The following OARD1 variants were observed in gnomAD, a reference collection of about 807,000 sequenced individuals.
The protein encoded by OARD1 is ADP-ribose glycohydrolase OARD1.
OARD1 carries 19 observed loss-of-function variants against 19.7 expected under a neutral mutation model. The ratio of observed to expected loss-of-function variants is 0.96; its 90% CI spans 0.67 to 1.41. The LOEUF is 1.41. Among genes scored for constraint, OARD1 ranks in the 40% most tolerant of loss-of-function variants. The pLI, the probability that OARD1 is intolerant of heterozygous loss-of-function variation, is 0.00. For synonymous variants in OARD1, 70 were observed against 61.8 expected, an observed-to-expected ratio of 1.13 and a Z score of -0.62; for missense variants, 190 against 183.8, an observed-to-expected ratio of 1.03 and a Z score of -0.20.
chr6:41,079,390 G>A (rs1041502106), intron 1 of OARD1, among the ~76,000 whole-genome samples: 3 of 152,140 alleles, frequency 2.0e-5, no homozygotes, highest in African/African-American at 7.2e-5. Flanking sequence ...CTCATTTTAA[G>A]TAAAAACATC....
chr6:41,083,110 A>G (rs1449154272), intron 1 of OARD1, among the ~76,000 whole-genome samples: 1 of 152,200 alleles, frequency 6.6e-6, no homozygotes, highest in African/African-American at 2.4e-5. Flanking sequence ...GAAAATGAAA[A>G]TTTTGGACTA....
intron 1 of OARD1, chr6:41,089,565 G>A (rs1390875487): frequency 1.3e-6 from 2 of 1,593,298 alleles, no homozygotes; most frequent in Non-Finnish European, 1.7e-6. Flanking sequence ...CTTTTTTTAT[G>A]TTCTTTTCTG....
At chr6:41,071,787 T>A in intron 1 of OARD1, 112 bp from the exon 2 acceptor site, 1 of 648,038 alleles carries the variant, frequency 1.5e-6, no homozygotes, top group Non-Finnish European at 2.8e-6. Flanking sequence ...TATCGATGAA[T>A]GTGAGTTTGT....
chr6:41,077,787 G>A (rs894567064), intron 1 of OARD1, among the ~76,000 whole-genome samples: 5 of 152,164 alleles, frequency 3.3e-5, no homozygotes, highest in Non-Finnish European at 7.3e-5. Flanking sequence ...AATTTACCTA[G>A]CGAGCATTCC....
chr6:41,071,041 TC>T, intron 3 of OARD1, 90 bp downstream of exon 3: 1 of 1,305,208 alleles, frequency 7.7e-7, no homozygotes, highest in Non-Finnish European at 1.1e-6. Flanking sequence ...TTCTTAGGAA[TC>T]CCCTCTTTAC....
chr6:41,077,118 C>A (rs116633305), upstream of OARD1, among the ~76,000 whole-genome samples: 1 of 152,094 alleles, frequency 6.6e-6, no homozygotes, highest in Non-Finnish European at 1.5e-5. Context: ...ATGTAAACTT[C>A]TGGATATTAG....
upstream of OARD1, chr6:41,075,845 CTAAACT>C (rs982091683): frequency 1.2e-4 from 18 of 152,034 alleles, no homozygotes; most frequent in African/African-American, 4.3e-4. Flanking sequence ...TAGTCCATTA[CTAAACT>C]TAAAGACTCT....
intron 5 of OARD1, among the ~76,000 whole-genome samples, chr6:41,067,767 A>G (rs1271834214): frequency 6.6e-6 from 1 of 152,220 alleles, no homozygotes; most frequent in Non-Finnish European, 1.5e-5. Context: ...TTGGCTGTGG[A>G]TGGATGGTGA....
chr6:41,072,996 G>C (rs1175083374), upstream of OARD1: 2 of 155,038 alleles, frequency 1.3e-5, no homozygotes, highest in East Asian at 3.8e-4. Flanking sequence ...CAGTGGCGGC[G>C]GCAGCGGCGG....
At chr6:41,071,922 C>A in intron 1 of OARD1, 1 of 449,018 alleles carries the variant, frequency 2.2e-6, no homozygotes, top group South Asian at 3.3e-5. Flanking sequence ...TCAGCGGAAG[C>A]AAAGCCCATC....
rs3804275 is a variant in OARD1, at chr6:41,087,546, T to G, written c.-42+10167A>C. ...CAGACTGCCATCTATGTTGAAGCAA[T>G]GCTCAAATAAAAAAAGTTTGTTGAT... On this transcript the variant is annotated intron_variant, in intron 1 of 4. Transcript: ENST00000480585. Among the ~76,000 whole-genome samples, 9 of 152,304 alleles carry G rather than the reference T, an allele frequency of 5.9e-5. No homozygotes were observed. The East Asian group carries it at 1.7e-3, about 29-fold the overall frequency.
chr6:41,086,153 G>A (rs1446954691), intron 1 of OARD1, among the ~76,000 whole-genome samples: 1 of 152,060 alleles, frequency 6.6e-6, no homozygotes, highest in Non-Finnish European at 1.5e-5. Flanking sequence ...CTCCACTGTT[G>A]AGTAGAGACA....
upstream of OARD1, among the ~76,000 whole-genome samples, chr6:41,073,564 C>T (rs1269186284): frequency 6.6e-6 from 1 of 152,054 alleles, no homozygotes; most frequent in East Asian, 1.9e-4. Context: ...GGGCCCGCGC[C>T]CCCCGCTCCC....
chr6:41,090,293 C>T (rs1764165264), intron 1 of OARD1: 1 of 1,612,952 alleles, frequency 6.2e-7, no homozygotes, highest in African/African-American at 1.3e-5. Flanking sequence ...ATGCAGATGG[C>T]ACCATTCTCC....
intron 1 of OARD1, chr6:41,097,273 C>A: frequency 7.9e-7 from 1 of 1,263,118 alleles, no homozygotes; most frequent in South Asian, 1.2e-5. Context: ...TATGTGTATT[C>A]TCTTGGGGGG....
chr6:41,085,913 T>G (rs1764031862), intron 1 of OARD1, among the ~76,000 whole-genome samples: 1 of 152,174 alleles, frequency 6.6e-6, no homozygotes, highest in African/African-American at 2.4e-5. Flanking sequence ...GATAATTTCT[T>G]TGGATTGGGG....
chr6:41,076,617 A>T (rs1763739141), upstream of OARD1, among the ~76,000 whole-genome samples: 1 of 152,238 alleles, frequency 6.6e-6, no homozygotes, highest in African/African-American at 2.4e-5. Context: ...CACTGAGAAG[A>T]GAATGCACTA....
chr6:41,075,033 C>A (rs1207737477), upstream of OARD1, among the ~76,000 whole-genome samples: 2 of 152,098 alleles, frequency 1.3e-5, no homozygotes, highest in Admixed American at 6.5e-5. Context: ...ACTAAAACTT[C>A]GGGGACAGGT....
At chr6:41,086,074 A>T (rs1454480263) in intron 1 of OARD1, among the ~76,000 whole-genome samples, 3 of 152,184 alleles carry the variant, frequency 2.0e-5, no homozygotes, top group African/African-American at 7.2e-5. Flanking sequence ...GCTTTCCTTG[A>T]TTCCCTATTG....
Sources: allele counts gnomAD v4.1 joint callset (sites outside exome capture counted in the v4.1 genomes callset), GRCh38; gene constraint gnomAD v4.1.1; transcripts MANE v1.5; gene names NCBI Gene and HGNC (gene_info 2026-07-23, HGNC 2026-07-21).